Variants in PTPRN2 observed in about 807,000 individuals in gnomAD.
The protein encoded by PTPRN2 is receptor-type tyrosine-protein phosphatase N2.
Under a neutral mutation model 118.8 loss-of-function variants are expected in PTPRN2, and 74 were observed. The ratio of observed to expected loss-of-function variants is 0.62; its 90% CI spans 0.52 to 0.76. The LOEUF (loss-of-function observed/expected upper bound fraction) is 0.76. Ranked by LOEUF, PTPRN2 falls within the 30% of genes least tolerant of loss-of-function variation. The pLI is 0.00. For synonymous variants in PTPRN2, 641 were observed against 608.0 expected (o/e 1.05, Z -0.80); for missense variants, 1,481 against 1,394.4 (o/e 1.06, Z -0.99).
chr7:158,441,850 G>A (rs372637809), intron 2 of PTPRN2, among the ~76,000 whole-genome samples: 80 of 127,072 alleles, frequency 6.3e-4, no homozygotes, highest in African/African-American at 2.2e-3. Flanking sequence ...TGGTGGTGAT[G>A]GTGATAGTGA....
chr7:157,870,755 G>A (rs549888776), intron 12 of PTPRN2, among the ~76,000 whole-genome samples: 6 of 152,210 alleles, frequency 3.9e-5, no homozygotes, highest in Non-Finnish European at 8.8e-5. Context: ...CCTGTGAGCC[G>A]CCAGGAATCC....
chr7:157,633,856 G>A (rs1349734053), intron 14 of PTPRN2, among the ~76,000 whole-genome samples: 2 of 152,250 alleles, frequency 1.3e-5, no homozygotes, highest in Non-Finnish European at 2.9e-5. Flanking sequence ...TAAGAGCCAC[G>A]GGAAGCTTTC....
chr7:158,277,024 A>G (rs114979993), intron 3 of PTPRN2, among the ~76,000 whole-genome samples: 1,791 of 152,182 alleles, frequency 0.012, 42 homozygotes, highest in African/African-American at 0.04. Context: ...GACTGGTCGG[A>G]CCCTGCAAGA....
intron 12 of PTPRN2, among the ~76,000 whole-genome samples, chr7:157,766,344 C>T (rs1183839923): frequency 7.1e-6 from 1 of 140,614 alleles, no homozygotes; most frequent in Non-Finnish European, 1.5e-5. Context: ...TTCATCCATC[C>T]ATCCATCATC....
At chr7:158,581,651 C>A (rs1368406448) in intron 1 of PTPRN2, among the ~76,000 whole-genome samples, 2 of 152,216 alleles carry the variant, frequency 1.3e-5, no homozygotes, top group Non-Finnish European at 1.5e-5. Context: ...AGTCCTGGCA[C>A]TACCCAGGGA....
chr7:158,006,226 G>A (rs180846131), intron 11 of PTPRN2, among the ~76,000 whole-genome samples: 2 of 152,344 alleles, frequency 1.3e-5, no homozygotes, highest in Non-Finnish European at 2.9e-5. Flanking sequence ...TGGAATTACT[G>A]AGTTCACATC....
intron 2 of PTPRN2, among the ~76,000 whole-genome samples, chr7:158,358,771 T>G (rs1012784225): frequency 6.6e-6 from 1 of 152,152 alleles, no homozygotes. Flanking sequence ...GAAGGTACAC[T>G]GAGTGCAGCC....
rs147872388 is a variant in PTPRN2, at chr7:158,136,199, A to C, written c.1173+456T>G. Among the ~76,000 whole-genome samples the C allele has an allele frequency of 1.3e-3, 202 of 152,324 alleles. 1 individual carries two copies. The highest frequency in any genetic ancestry group is 4.2e-3 in the African/African-American group (175 of 41,592). On this transcript the variant is annotated intron_variant, in intron 8 of 22. Transcript: ENST00000389418. ...GTGCGGCCAAGGCACTGCATCTTTC[A>C]TTTATTTAATTTTATTCAATTTAAA... is the stretch of plus-strand genomic sequence containing the variant.
At position 158,164,542 on chromosome 7, in the gene PTPRN2, A is replaced by AGGGCTC. The variant is rs1388477539; in HGVS notation, c.910+2388_910+2389insGAGCCC. ...TCAGAGCGGGAGCGCGCACGTAGGGAAGGCGCGCACGTAGGGAAGGCACGC... is the reference window on the plus strand; with the variant it reads ...TCAGAGCGGGAGCGCGCACGTAGGGAGGGCTCAGGCGCGCACGTAGGGAAGGCACGC... On this transcript the variant is annotated intron_variant, in intron 6 of 22. Coordinates refer to ENST00000389418, the MANE Select transcript of PTPRN2 (RefSeq NM_002847.5). Among the ~76,000 whole-genome samples the AGGGCTC allele has an allele frequency of 1.7e-3, 5 of 2,890 alleles. No homozygotes were observed. In the African/African-American group the frequency reaches 0.019, roughly 11 times the overall value. The allele number at this position is 2,890 out of a possible 152,430, so 1.9% of individuals were successfully genotyped here. A position where few individuals can be genotyped will look rare whatever the true frequency, so the allele number is the denominator to read the frequency against.
At chr7:157,630,506 C>T (rs1018816050) in intron 14 of PTPRN2, among the ~76,000 whole-genome samples, 1 of 152,174 alleles carries the variant, frequency 6.6e-6, no homozygotes, top group Non-Finnish European at 1.5e-5. Context: ...TCTAACACAC[C>T]GTGTGCCCGT....
chr7:158,075,568 G>A (rs1473196882), intron 11 of PTPRN2, among the ~76,000 whole-genome samples: 2 of 152,124 alleles, frequency 1.3e-5, no homozygotes, highest in Non-Finnish European at 1.5e-5. Context: ...GACCCCACCA[G>A]CACCACCGGC....
At chr7:157,775,164 C>T (rs1803120430) in intron 12 of PTPRN2, among the ~76,000 whole-genome samples, 2 of 152,164 alleles carry the variant, frequency 1.3e-5, no homozygotes, top group Non-Finnish European at 2.9e-5. Context: ...GCAGTGTAGG[C>T]TCAGATGTGA....
chr7:158,268,190 A>G (rs146072293), intron 3 of PTPRN2, among the ~76,000 whole-genome samples: 1,866 of 152,330 alleles, frequency 0.012, 46 homozygotes, highest in African/African-American at 0.043. Flanking sequence ...GCCGCCTGCA[A>G]AAGCATCAGA....
chr7:158,306,277 C>G (rs1003652211), intron 3 of PTPRN2, among the ~76,000 whole-genome samples: 1 of 152,186 alleles, frequency 6.6e-6, no homozygotes, highest in Non-Finnish European at 1.5e-5. Context: ...AGCTCTGACA[C>G]GATCCTTGGA....
intron 13 of PTPRN2, among the ~76,000 whole-genome samples, chr7:157,667,444 G>A (rs1156309020): frequency 6.6e-6 from 1 of 152,240 alleles, no homozygotes; most frequent in Non-Finnish European, 1.5e-5. Context: ...CCCTGCCAGT[G>A]CCCGCATCTA....
chr7:158,253,953 C>T (rs12668899), intron 3 of PTPRN2, among the ~76,000 whole-genome samples: 3,291 of 16,830 alleles, frequency 0.2, 243 homozygotes, highest in African/African-American at 0.24. Context: ...AACTGGACAG[C>T]AGCACAGAGC....
At chr7:157,715,357 G>C (rs1308427380) in intron 12 of PTPRN2, among the ~76,000 whole-genome samples, 1 of 152,222 alleles carries the variant, frequency 6.6e-6, no homozygotes, top group African/African-American at 2.4e-5. Flanking sequence ...TGGGGTGCCA[G>C]TCCCCCCGCT....
At chr7:157,731,551 T>A (rs1287990380) in intron 12 of PTPRN2, among the ~76,000 whole-genome samples, 2 of 84,428 alleles carry the variant, frequency 2.4e-5, no homozygotes, top group South Asian at 6.3e-4. Flanking sequence ...CAGTTACCCT[T>A]TCCCGTCCCA....
intron 2 of PTPRN2, among the ~76,000 whole-genome samples, chr7:158,482,740 G>T (rs989176067): frequency 2.0e-5 from 3 of 151,972 alleles, no homozygotes; most frequent in Non-Finnish European, 2.9e-5. Context: ...TAAATCAGTG[G>T]TTTTTTTTAT....
Sources: allele counts gnomAD v4.1 joint callset (sites outside exome capture counted in the v4.1 genomes callset), GRCh38; gene constraint gnomAD v4.1.1; transcripts MANE v1.5; gene names NCBI Gene and HGNC (gene_info 2026-07-23, HGNC 2026-07-21).